Variants in RABGAP1 observed in about 807,000 individuals in gnomAD.
RABGAP1 encodes rab GTPase-activating protein 1.
In RABGAP1, 23 loss-of-function variants were observed where a neutral mutation model predicts 137.6. The observed-to-expected ratio is 0.17, with a 90% CI of 0.12 to 0.24. The LOEUF is 0.24. Among genes scored for constraint, RABGAP1 ranks in the 10% least tolerant of loss-of-function variants. The pLI, the probability that RABGAP1 is intolerant of heterozygous loss-of-function variation, is 1.00. For missense variants in RABGAP1, 906 were observed against 1,275.8 expected, an observed-to-expected ratio of 0.71 and a Z score of 4.42; for synonymous variants, 451 against 450.7, an observed-to-expected ratio of 1.00 and a Z score of -0.01.
intron 13 of RABGAP1, chr9:123,035,163 A>G (rs372991259): frequency 1.2e-4 from 188 of 1,613,838 alleles, no homozygotes; most frequent in Middle Eastern, 6.6e-4. Context: ...TGATGATGTT[A>G]TATGCCCCAG....
intron 13 of RABGAP1, among the ~76,000 whole-genome samples, chr9:123,052,728 G>A (rs556413549): frequency 6.6e-6 from 1 of 152,064 alleles, no homozygotes; most frequent in Non-Finnish European, 1.5e-5. Context: ...CTAGGAGTTC[G>A]AGACCAGCCT....
intron 13 of RABGAP1, among the ~76,000 whole-genome samples, chr9:123,025,735 T>C (rs1161989258): frequency 6.6e-6 from 1 of 152,036 alleles, no homozygotes; most frequent in African/African-American, 2.4e-5. Flanking sequence ...TTACATTTTT[T>C]CTATTTGCCT....
intron 2 of RABGAP1, among the ~76,000 whole-genome samples, chr9:122,979,503 G>T (rs1035598459): frequency 6.6e-6 from 1 of 151,970 alleles, no homozygotes; most frequent in East Asian, 1.9e-4. Context: ...TTTCTTTTAT[G>T]ATTCATACTT....
At chr9:123,040,666 T>A (rs2032909137) in intron 13 of RABGAP1, among the ~76,000 whole-genome samples, 1 of 152,174 alleles carries the variant, frequency 6.6e-6, no homozygotes, top group Non-Finnish European at 1.5e-5. Context: ...AGTTTTATGA[T>A]TTTTTTATTA....
At chr9:122,974,502 A>C (rs1215132782) in intron 2 of RABGAP1, among the ~76,000 whole-genome samples, 1 of 143,150 alleles carries the variant, frequency 7.0e-6, no homozygotes, top group Non-Finnish European at 1.5e-5. Flanking sequence ...ACTAAAACCC[A>C]GCCATGGCCA....
intron 1 of RABGAP1, among the ~76,000 whole-genome samples, chr9:122,954,958 T>C (rs1400265711): frequency 6.6e-6 from 1 of 152,146 alleles, no homozygotes; most frequent in Non-Finnish European, 1.5e-5. Flanking sequence ...TAAAACAACA[T>C]AATAGATGCT....
At chr9:122,975,741 A>G (rs1838249857) in intron 2 of RABGAP1, among the ~76,000 whole-genome samples, 1 of 152,206 alleles carries the variant, frequency 6.6e-6, no homozygotes, top group South Asian at 2.1e-4. Flanking sequence ...TAAATGAGAT[A>G]GTTCTGTAAA....
upstream of RABGAP1, among the ~76,000 whole-genome samples, chr9:122,936,913 G>A (rs967375516): frequency 1.3e-5 from 2 of 152,150 alleles, no homozygotes; most frequent in Admixed American, 6.5e-5. Context: ...GCTTTCACCC[G>A]AGGCTGATCC....
chr9:122,992,994 C>T (rs1264101789), intron 6 of RABGAP1, among the ~76,000 whole-genome samples: 1 of 151,570 alleles, frequency 6.6e-6, no homozygotes, highest in African/African-American at 2.4e-5. Flanking sequence ...GGAAATTTAT[C>T]TGCAGAAATA....
chr9:123,054,706 C>A (rs1255795206), intron 13 of RABGAP1, among the ~76,000 whole-genome samples: 5 of 152,118 alleles, frequency 3.3e-5, no homozygotes, highest in Non-Finnish European at 5.9e-5. Context: ...TCCTTAGGTT[C>A]CTGTTGACTG....
At chr9:123,019,012 G>C (rs62580279) in intron 12 of RABGAP1, among the ~76,000 whole-genome samples, 10,135 of 152,122 alleles carry the variant, frequency 0.067, 400 homozygotes, top group African/African-American at 0.083. Flanking sequence ...AATTTTTTCT[G>C]CATCTGTAAA....
At chr9:123,032,669 T>C (rs928948194) in intron 13 of RABGAP1, among the ~76,000 whole-genome samples, 6 of 152,220 alleles carry the variant, frequency 3.9e-5, no homozygotes, top group Admixed American at 1.3e-4. Flanking sequence ...ATTTGTTTAT[T>C]GTCTTTTATT....
intron 13 of RABGAP1, among the ~76,000 whole-genome samples, chr9:123,053,469 T>G (rs2033571912): frequency 6.6e-6 from 1 of 152,222 alleles, no homozygotes; most frequent in African/African-American, 2.4e-5. Flanking sequence ...TCATTTTCCT[T>G]CTTTTGAATT....
chr9:122,947,008 T>C (rs1048500229), intron 1 of RABGAP1, among the ~76,000 whole-genome samples: 1 of 152,146 alleles, frequency 6.6e-6, no homozygotes, highest in Non-Finnish European at 1.5e-5. Context: ...AGAAACTCCA[T>C]TTTTAAACAT....
intron 13 of RABGAP1, among the ~76,000 whole-genome samples, chr9:123,024,483 A>G (rs944182921): frequency 6.8e-6 from 1 of 147,348 alleles, no homozygotes; most frequent in Non-Finnish European, 1.5e-5. Context: ...TCTGTCGCCC[A>G]GGCTGGAGTA....
intron 10 of RABGAP1, among the ~76,000 whole-genome samples, chr9:123,006,888 C>T (rs967016346): frequency 2.6e-5 from 4 of 152,134 alleles, no homozygotes; most frequent in Admixed American, 6.5e-5. Context: ...GGATTACAGG[C>T]GTGAGCCACT....
At chr9:123,027,472 G>T (rs10818778) in intron 13 of RABGAP1, among the ~76,000 whole-genome samples, 30,752 of 152,168 alleles carry the variant, frequency 0.2, 4,488 homozygotes, top group East Asian at 0.65. Context: ...GCCACATTTT[G>T]CTAGTCTGGA....
At chr9:122,988,948 A>G (rs1220157423) in intron 4 of RABGAP1, among the ~76,000 whole-genome samples, 1 of 151,760 alleles carries the variant, frequency 6.6e-6, no homozygotes, top group Non-Finnish European at 1.5e-5. Context: ...GTCTCAAAAA[A>G]AAAAAAAAAA....
chr9:122,984,798 T>G (rs1292744490), intron 3 of RABGAP1, 79 bp downstream of exon 3: 1 of 1,302,280 alleles, frequency 7.7e-7, no homozygotes, highest in African/African-American at 1.5e-5. Context: ...CTAGGTTTTA[T>G]TTAGAACAGG....
Sources: gnomAD v4.1 joint callset for allele counts (sites outside exome capture counted in the v4.1 genomes callset) on GRCh38, gnomAD v4.1.1 for gene constraint, MANE v1.5 for transcripts, NCBI Gene and HGNC (gene_info 2026-07-23, HGNC 2026-07-21) for gene names.